NRCAM: variants seen among roughly 807,000 people sequenced by gnomAD.
NRCAM encodes NgCAM-related cell adhesion molecule.
In NRCAM, 83 loss-of-function variants were observed where a neutral mutation model predicts 156.5. The ratio of observed to expected loss-of-function variants is 0.53; its 90% confidence interval spans 0.44 to 0.64. The LOEUF is 0.64. Among genes scored for constraint, NRCAM ranks in the 30% least tolerant of loss-of-function variants. The probability of loss-of-function intolerance (pLI) is 0.00; values close to 1 mark genes in which losing one functional copy is unlikely to be tolerated. For synonymous variants in NRCAM, 538 were observed against 563.9 expected (o/e 0.95, Z 0.65); for missense variants, 1,417 against 1,597.3 (o/e 0.89, Z 1.92).
intron 11 of NRCAM, 64 bp from the exon 12 acceptor site, chr7:108,209,669 T>C: frequency 1.8e-6 from 2 of 1,114,924 alleles, no homozygotes; most frequent in South Asian, 1.5e-5. Context: ...CTTTTGAGGA[T>C]GAATTTTCAT....
chr7:108,394,514 T>C (rs886186780), intron 2 of NRCAM, among the ~76,000 whole-genome samples: 1 of 152,320 alleles, frequency 6.6e-6, no homozygotes, highest in Middle Eastern at 3.4e-3. Flanking sequence ...CTTTGCCTCT[T>C]TCTGTCTTTG....
intron 11 of NRCAM, among the ~76,000 whole-genome samples, chr7:108,220,109 CAA>C (rs34737202): frequency 1.9e-4 from 26 of 137,150 alleles, no homozygotes; most frequent in East Asian, 8.1e-4. Context: ...TAATAGCTGC[CAA>C]AAAAAAAAAA....
At chr7:108,159,671 T>C (rs1158965691) in intron 31 of NRCAM, 130 bp from the exon 32 acceptor site, 12 of 655,024 alleles carry the variant, frequency 1.8e-5, no homozygotes, top group Non-Finnish European at 3.2e-5. Flanking sequence ...TGTATAACCA[T>C]ATATATGGTG....
At chr7:108,427,724 A>G (rs758880327) in intron 1 of NRCAM, among the ~76,000 whole-genome samples, 3 of 152,352 alleles carry the variant, frequency 2.0e-5, no homozygotes, top group Non-Finnish European at 4.4e-5. Flanking sequence ...ATAACCATTA[A>G]TACAAAAATC....
chr7:108,297,960 G>T (rs991467010), intron 3 of NRCAM, among the ~76,000 whole-genome samples: 1 of 152,200 alleles, frequency 6.6e-6, no homozygotes, highest in Non-Finnish European at 1.5e-5. Flanking sequence ...CTCGGTGAAA[G>T]ACCCTGTGGT....
chr7:108,388,873 T>C (rs577189485), intron 2 of NRCAM, among the ~76,000 whole-genome samples: 1 of 152,182 alleles, frequency 6.6e-6, no homozygotes, highest in East Asian at 1.9e-4. Flanking sequence ...TGGTTGTAGA[T>C]ATGCGGCATT....
intron 3 of NRCAM, among the ~76,000 whole-genome samples, chr7:108,267,457 T>C (rs1387485130): frequency 2.0e-5 from 3 of 152,358 alleles, no homozygotes; most frequent in Non-Finnish European, 4.4e-5. Context: ...GAGAATCCCA[T>C]GGTTTCCAAA....
At chr7:108,283,461 G>C (rs1403631873) in intron 3 of NRCAM, among the ~76,000 whole-genome samples, 2 of 152,188 alleles carry the variant, frequency 1.3e-5, no homozygotes, top group Non-Finnish European at 2.9e-5. Context: ...CATCTGATGT[G>C]GACTTTGAAG....
intron 2 of NRCAM, among the ~76,000 whole-genome samples, chr7:108,338,592 G>A (rs1176782725): frequency 6.6e-6 from 1 of 150,684 alleles, no homozygotes; most frequent in East Asian, 1.9e-4. Flanking sequence ...GAGAGGGAGA[G>A]ACAGAGAGAG....
chr7:108,451,071 T>G (rs1849720378), intron 1 of NRCAM, among the ~76,000 whole-genome samples: 1 of 151,668 alleles, frequency 6.6e-6, no homozygotes, highest in African/African-American at 2.4e-5. Flanking sequence ...ATACAAAAAT[T>G]AGCTGGGCAT....
intron 17 of NRCAM, among the ~76,000 whole-genome samples, chr7:108,193,449 T>C (rs753080074): frequency 1.2e-4 from 18 of 152,238 alleles, no homozygotes; most frequent in Non-Finnish European, 1.8e-4. Context: ...TGTACTACTA[T>C]GTCAAATTGA....
At position 108,180,441 on chromosome 7, in the gene NRCAM, A is replaced by T. The variant is rs1192564402; in HGVS notation, c.2647-14T>A. ...CCAATAGTAAATCTGAAACAGCAAGAACGAAAGTCAGGAATGCAGAAAGGA... is the reference window on the plus strand; with the variant it reads ...CCAATAGTAAATCTGAAACAGCAAGTACGAAAGTCAGGAATGCAGAAAGGA... On this transcript the variant is annotated splice_polypyrimidine_tract_variant and intron_variant, in intron 24 of 32. Transcript: ENST00000379028. The T allele has an allele frequency of 6.2e-7, 1 of 1,606,852 alleles. No individual in the cohort carries two copies. The highest frequency in any genetic ancestry group is 8.5e-7 in the Non-Finnish European group (1 of 1,173,664).
chr7:108,363,502 C>A (rs974069496), intron 2 of NRCAM, among the ~76,000 whole-genome samples: 1 of 152,150 alleles, frequency 6.6e-6, no homozygotes, highest in Non-Finnish European at 1.5e-5. Flanking sequence ...CCTGCCTTGG[C>A]CTCTCAAAGT....
At chr7:108,252,653 AAATC>A (rs1562957026) in intron 3 of NRCAM, among the ~76,000 whole-genome samples, 1 of 74,170 alleles carries the variant, frequency 1.3e-5, no homozygotes, top group African/African-American at 8.9e-5. Context: ...GGAGATAGAT[AAATC>A]TCAGTGTTTT....
chr7:108,302,023 GATCACC>G (rs750428866), intron 3 of NRCAM, among the ~76,000 whole-genome samples: 3 of 150,896 alleles, frequency 2.0e-5, no homozygotes, highest in Non-Finnish European at 4.4e-5. Context: ...GTGTCTAACT[GATCACC>G]CTTTCTAAAT....
chr7:108,168,078 A>C (rs1009484948), intron 29 of NRCAM, among the ~76,000 whole-genome samples, 199 bp downstream of exon 29: 1 of 152,224 alleles, frequency 6.6e-6, no homozygotes, highest in Admixed American at 6.5e-5. Flanking sequence ...GTTATTAATA[A>C]CATAAAAAAG....
chr7:108,233,882 A>G (rs560577387), intron 6 of NRCAM, among the ~76,000 whole-genome samples: 75 of 152,288 alleles, frequency 4.9e-4, no homozygotes, highest in African/African-American at 1.6e-3. Flanking sequence ...GGGGCCTTGA[A>G]TAAGTTACTT....
chr7:108,258,448 C>T (rs1477890400), intron 3 of NRCAM, among the ~76,000 whole-genome samples: 2 of 152,156 alleles, frequency 1.3e-5, no homozygotes, highest in African/African-American at 2.4e-5. Context: ...TTACACCATA[C>T]ATTCTTGTCT....
intron 5 of NRCAM, 48 bp from the exon 6 acceptor site, chr7:108,234,736 C>G (rs896201965): frequency 7.8e-7 from 1 of 1,283,484 alleles, no homozygotes; most frequent in South Asian, 1.2e-5. Flanking sequence ...TATTTAAAAT[C>G]ATAATAGTAG....
Sources: allele counts gnomAD v4.1 joint callset (sites outside exome capture counted in the v4.1 genomes callset), GRCh38; gene constraint gnomAD v4.1.1; transcripts MANE v1.5; gene names NCBI Gene and HGNC (gene_info 2026-07-23, HGNC 2026-07-21).